Variants in CWF19L2 observed in about 807,000 individuals in gnomAD.
CWF19L2 encodes CWF19 like cell cycle control factor 2, also known as CWF19-like protein 2.
In CWF19L2, 98 loss-of-function variants were observed where a neutral mutation model predicts 111.7. The ratio of observed to expected loss-of-function variants is 0.88; its 90% CI spans 0.75 to 1.04. The LOEUF is 1.04. CWF19L2 is among the 50% of genes least tolerant of loss of function. The probability of loss-of-function intolerance (pLI) is 0.00; values close to 1 mark genes in which losing one functional copy is unlikely to be tolerated. For synonymous variants in CWF19L2, 351 were observed against 342.9 expected (o/e 1.02, Z -0.26); for missense variants, 1,101 against 1,051.4 (o/e 1.05, Z -0.65).
In CWF19L2 at chr11:107,392,887, G is replaced by C; in HGVS notation, c.1626C>G (p.Asp542Glu). The change falls in exon 11 of 18, where the codon GAC (aspartate) becomes GAG (glutamate). Residue 542 changes from aspartate (D) to glutamate (E), a missense_variant. By Grantham distance (45) the Asp-to-Glu change is conservative (BLOSUM62 2). Transcript: ENST00000282251. The part of the protein sequence containing the change: ...IPKKSGVENE[D>E]QQEVILVRTD... Reference sequence around the variant, plus strand: ...TTCTGACAAGGATTACTTCTTGCTGGTCTTCATTCTATAAAAAGATTTAGA... The same window carrying C: ...TTCTGACAAGGATTACTTCTTGCTGCTCTTCATTCTATAAAAAGATTTAGA... The C allele has an allele frequency of 6.4e-7, 1 of 1,552,706 alleles. No individual in the cohort carries two copies.
chr11:107,394,662 C>T (rs562295839), intron 10 of CWF19L2, among the ~76,000 whole-genome samples: 1 of 152,138 alleles, frequency 6.6e-6, no homozygotes, highest in South Asian at 2.1e-4. Flanking sequence ...TAACACCTGC[C>T]TTGTATAAGC....
chr11:107,429,088 T>C lies in CWF19L2; in HGVS notation c.1144A>G (p.Lys382Glu), dbSNP rs936270629. The C allele has an allele frequency of 1.2e-6, 2 of 1,613,766 alleles. No individual in the cohort carries two copies. Among genetic ancestry groups the C allele is most frequent in the African/African-American group, 2.7e-5 (2 of 74,916 alleles). Reference sequence around the variant, plus strand: ...CTAAGTGGTTCAAATTTTCTGCCCTTGCTGTGAAATGACAGTTCTTCATCA... The same window carrying C: ...CTAAGTGGTTCAAATTTTCTGCCCTCGCTGTGAAATGACAGTTCTTCATCA... ...SDDEELSFHS[K>E]GRKFEPLSSS... Residue 382 changes from lysine to glutamate, a missense_variant, in exon 8 of 18, where the codon AAG (lysine) becomes GAG (glutamate). Coordinates refer to ENST00000282251, the MANE Select transcript of CWF19L2 (RefSeq NM_152434.3).
At position 107,440,943 on chromosome 11, in the gene CWF19L2, T is replaced by A. The variant is rs182846548; in HGVS notation, c.570+560A>T. Among the ~76,000 whole-genome samples the A allele has an allele frequency of 1.7e-3, 265 of 152,254 alleles. 1 individual carries two copies. Among genetic ancestry groups the A allele is most frequent in the African/African-American group, 5.9e-3 (245 of 41,550 alleles). ...GATACTGAGTACTGGAAAAGAAACA[T>A]ATGCTCCTGGTACAGTATAAATTGG... On this transcript the variant is annotated intron_variant, in intron 5 of 17. Transcript: ENST00000282251.
In CWF19L2 at chr11:107,367,632, T is replaced by A. The variant is rs1348881436; in HGVS notation, c.1873-13896A>T. 3.8e-5 allele frequency among the ~76,000 whole-genome samples: 4 copies of A among 105,206 alleles called. 1 individual carries two copies. Among genetic ancestry groups the A allele is most frequent in the African/African-American group, 1.7e-4 (4 of 23,480 alleles). The allele number at this position is 105,206 out of a possible 152,430, so 69.0% of individuals were successfully genotyped here. Reference sequence around the variant, plus strand: ...CATAGGTGGGAATTGAACAATGAGATCACATGGACACAGGAAGGGGAATAT... The same window carrying A: ...CATAGGTGGGAATTGAACAATGAGAACACATGGACACAGGAAGGGGAATAT... On this transcript the variant is annotated intron_variant, in intron 12 of 17. Transcript: ENST00000282251.
chr11:107,332,532 C>A, intron 16 of CWF19L2, among the ~76,000 whole-genome samples: 1 of 147,494 alleles, frequency 6.8e-6, no homozygotes. Flanking sequence ...TATTATAAGC[C>A]AAGAATTTAC....
chr11:107,448,433 A>G (rs1861732297), intron 3 of CWF19L2, among the ~76,000 whole-genome samples: 1 of 151,984 alleles, frequency 6.6e-6, no homozygotes, highest in Non-Finnish European at 1.5e-5. Context: ...ATAGAAAGGA[A>G]AAAGGCTAGA....
chr11:107,456,006 A>C (rs1861849423), intron 1 of CWF19L2, among the ~76,000 whole-genome samples: 1 of 152,214 alleles, frequency 6.6e-6, no homozygotes, highest in African/African-American at 2.4e-5. Context: ...CAGTGATTTG[A>C]GTTACCAATC....
At chr11:107,339,720 C>T (rs1475665207) in intron 14 of CWF19L2, among the ~76,000 whole-genome samples, 2 of 142,560 alleles carry the variant, frequency 1.4e-5, no homozygotes, top group African/African-American at 2.6e-5. Flanking sequence ...GGCTAGAGTG[C>T]AGTGGTGCGA....
intron 13 of CWF19L2, among the ~76,000 whole-genome samples, chr11:107,350,968 G>C (rs1323836340): frequency 6.6e-6 from 1 of 152,236 alleles, no homozygotes; most frequent in Non-Finnish European, 1.5e-5. Flanking sequence ...ATGAGAGGAA[G>C]GCTGACAGAC....
At chr11:107,340,137 T>C (rs1859985588) in intron 14 of CWF19L2, among the ~76,000 whole-genome samples, 2 of 152,240 alleles carry the variant, frequency 1.3e-5, no homozygotes. Context: ...AACAAAAGTT[T>C]TTAATTTGAC....
chr11:107,452,800 C>T (rs1861795664), intron 3 of CWF19L2, among the ~76,000 whole-genome samples: 1 of 152,090 alleles, frequency 6.6e-6, no homozygotes, highest in South Asian at 2.1e-4. Context: ...AGACCAGCCT[C>T]GACAATATAG....
At chr11:107,363,079 G>T (rs569658264) in intron 12 of CWF19L2, among the ~76,000 whole-genome samples, 5 of 152,264 alleles carry the variant, frequency 3.3e-5, no homozygotes, top group African/African-American at 1.2e-4. Flanking sequence ...ATCAGCGATG[G>T]AAGATGAAAT....
intron 12 of CWF19L2, among the ~76,000 whole-genome samples, chr11:107,373,553 T>G (rs1231670107): frequency 8.5e-6 from 1 of 117,630 alleles, no homozygotes. Context: ...GACCTGCAGC[T>G]GAGGGTCCTG....
intron 10 of CWF19L2, among the ~76,000 whole-genome samples, chr11:107,414,195 TATTTA>T (rs1475241505): frequency 5.9e-5 from 9 of 152,080 alleles, no homozygotes; most frequent in Admixed American, 5.9e-4. Flanking sequence ...TTTATTTATT[TATTTA>T]TTCTTTTTTT....
At chr11:107,452,143 T>A (rs926870301) in intron 3 of CWF19L2, among the ~76,000 whole-genome samples, 1 of 152,100 alleles carries the variant, frequency 6.6e-6, no homozygotes, top group Non-Finnish European at 1.5e-5. Flanking sequence ...AAAGTAAAAG[T>A]CTTTTTCACA....
At chr11:107,374,341 A>T (rs1860562816) in intron 12 of CWF19L2, among the ~76,000 whole-genome samples, 1 of 132,548 alleles carries the variant, frequency 7.5e-6, no homozygotes, top group Admixed American at 7.4e-5. Flanking sequence ...AGTTGAAATG[A>T]AGGAAAAAAT....
At chr11:107,334,855 C>CT in intron 16 of CWF19L2, 26 bp downstream of exon 16, 1 of 1,405,040 alleles carries the variant, frequency 7.1e-7, no homozygotes, top group Non-Finnish European at 1.0e-6. Context: ...AGGGTAATTT[C>CT]TTTTACCAGG....
intron 12 of CWF19L2, among the ~76,000 whole-genome samples, chr11:107,370,618 G>A (rs1365545059): frequency 7.4e-6 from 1 of 136,020 alleles, no homozygotes; most frequent in Non-Finnish European, 1.6e-5. Context: ...ACAGAATTGA[G>A]AAAACCTCAT....
At chr11:107,362,081 G>T (rs548261351) in intron 12 of CWF19L2, among the ~76,000 whole-genome samples, 2 of 152,094 alleles carry the variant, frequency 1.3e-5, no homozygotes, top group East Asian at 1.9e-4. Flanking sequence ...CTGGAAAATC[G>T]AGTCACTCCC....
Sources: gnomAD v4.1 joint callset for allele counts (sites outside exome capture counted in the v4.1 genomes callset) on GRCh38, gnomAD v4.1.1 for gene constraint, MANE v1.5 for transcripts, NCBI Gene and HGNC (gene_info 2026-07-23, HGNC 2026-07-21) for gene names.